NEXN: variants seen among roughly 807,000 people sequenced by gnomAD.
The protein encoded by NEXN is nexilin F-actin binding protein.
Under a neutral mutation model 92.6 loss-of-function variants are expected in NEXN, and 65 were observed. The observed-to-expected ratio is 0.70, with a 90% CI of 0.57 to 0.86. The LOEUF is 0.86. Among genes scored for constraint, NEXN ranks in the 40% least tolerant of loss-of-function variants. NEXN has a pLI of 0.00. For synonymous variants in NEXN, 254 were observed against 242.5 expected (o/e 1.05, Z -0.44); for missense variants, 778 against 771.1 (o/e 1.01, Z -0.11).
Position 77,942,212 on chromosome 1 carries a change from C to G in NEXN, c.1659+4C>G. 1.2e-6 allele frequency: 2 copies of G among 1,612,164 alleles called. No individual in the cohort carries two copies. Among genetic ancestry groups the G allele is most frequent in the East Asian group, 2.2e-5 (1 of 44,844 alleles). Reference sequence around the variant, plus strand: ...AATTGATGCAGCACTACAAAAGGTACCAGGCTTATGTATCCTTTATTTTCC... The same window carrying G: ...AATTGATGCAGCACTACAAAAGGTAGCAGGCTTATGTATCCTTTATTTTCC... On this transcript the variant is annotated splice_donor_region_variant and intron_variant, in intron 12 of 12. Coordinates refer to ENST00000334785, the MANE Select transcript of NEXN (RefSeq NM_144573.4).
intron 1 of NEXN, among the ~76,000 whole-genome samples, chr1:77,896,967 T>C (rs1002406307): frequency 9.9e-5 from 15 of 152,046 alleles, no homozygotes; most frequent in African/African-American, 3.6e-4. Flanking sequence ...CAGGAAGAAG[T>C]TGAATCTCTG....
intron 1 of NEXN, chr1:77,889,453 G>A (rs1437915293): frequency 6.7e-6 from 1 of 148,364 alleles, no homozygotes; most frequent in Non-Finnish European, 1.5e-5. Context: ...TTAAGTGAGT[G>A]AAGAATGTAG....
intron 1 of NEXN, among the ~76,000 whole-genome samples, chr1:77,893,918 C>T (rs1024564577): frequency 6.6e-6 from 1 of 151,960 alleles, no homozygotes; most frequent in African/African-American, 2.4e-5. Context: ...ATCTCCACCC[C>T]CTGGGTTCAA....
intron 10 of NEXN, among the ~76,000 whole-genome samples, chr1:77,934,924 A>G (rs1177063985): frequency 1.3e-5 from 2 of 152,270 alleles, no homozygotes; most frequent in Admixed American, 6.5e-5. Flanking sequence ...TAAGACTACC[A>G]TAAAATCAAA....
chr1:77,940,872 A>T (rs181157653), intron 11 of NEXN, among the ~76,000 whole-genome samples: 1 of 152,328 alleles, frequency 6.6e-6, no homozygotes, highest in Admixed American at 6.5e-5. Context: ...TTATCAACTG[A>T]AGGTAAATAA....
At chr1:77,942,373 A>C in intron 12 of NEXN, 88 bp from the exon 13 acceptor site, 1 of 1,506,122 alleles carries the variant, frequency 6.6e-7, no homozygotes, top group Non-Finnish European at 9.2e-7. Context: ...CTTTACTTAA[A>C]AAAAAAAATT....
intron 11 of NEXN, among the ~76,000 whole-genome samples, chr1:77,937,507 T>C (rs1265635533): frequency 3.3e-5 from 5 of 152,168 alleles, no homozygotes; most frequent in South Asian, 2.1e-4. Flanking sequence ...CTGGCCAACA[T>C]AGTGAAACCC....
Position 77,942,480 on chromosome 1 carries a change from A to G in NEXN, c.1679A>G (p.Glu560Gly). 1 of 1,613,740 alleles carries G rather than the reference A, an allele frequency of 6.2e-7. No individual in the cohort carries two copies. Among genetic ancestry groups the G allele is most frequent in the Non-Finnish European group, 8.5e-7 (1 of 1,179,750 alleles). ...ALQKKREEEE[E>G]EEGSIMNGST... ...ATACAGAAAAGAGAAGAGGAGGAGG[A>G]GGAAGAAGGTAGCATCATGAATGGC... Residue 560 changes from glutamate (E) to glycine (G), a missense_variant, in exon 13 of 13, where the codon GAG becomes GGG. Physicochemically the swap from Glu to Gly is moderately conservative, Grantham distance 98. Coordinates refer to ENST00000334785, the MANE Select transcript of NEXN (RefSeq NM_144573.4).
rs794729094 is a variant in NEXN, at chr1:77,942,823, GAATT to G, written c.2026_*1del. On this transcript the variant is annotated frameshift_variant and stop_lost, in exon 13 of 13. Transcript: ENST00000334785. LOFTEE classifies it high-confidence loss of function. ...CCTGTATTCTTACCATTGAAAGTAAGAATTAATCACTCTTTTTATCTTTTATTCT... is the reference window on the plus strand; with the variant it reads ...CCTGTATTCTTACCATTGAAAGTAAGAATCACTCTTTTTATCTTTTATTCT... 1.6e-5 allele frequency: 26 copies of G among 1,605,490 alleles called. No individual in the cohort carries two copies. The Admixed American group carries it at 2.5e-4, about 15-fold the overall frequency.
intron 1 of NEXN, among the ~76,000 whole-genome samples, chr1:77,896,188 A>ATAAATAAATAAG (rs1373189328): frequency 7.2e-4 from 109 of 151,760 alleles, no homozygotes; most frequent in African/African-American, 2.5e-3. Context: ...AAATAAATAA[A>ATAAATAAATAAG]TAAATAAATA....
At chr1:77,930,497 T>G (rs1650202194) in intron 9 of NEXN, among the ~76,000 whole-genome samples, 1 of 152,208 alleles carries the variant, frequency 6.6e-6, no homozygotes, top group Non-Finnish European at 1.5e-5. Flanking sequence ...GGAGTGATCT[T>G]TAAAAAGAAA....
chr1:77,917,782 G>T, intron 3 of NEXN, 25 bp downstream of exon 3: 3 of 1,566,056 alleles, frequency 1.9e-6, no homozygotes, highest in South Asian at 1.1e-5. Context: ...CTTTATTCTC[G>T]TGAAAATATT....
At chr1:77,905,013 T>TAACA (rs1436138627) in intron 1 of NEXN, among the ~76,000 whole-genome samples, 2 of 151,816 alleles carry the variant, frequency 1.3e-5, no homozygotes, top group Non-Finnish European at 2.9e-5. Flanking sequence ...CCTTTAATCC[T>TAACA]AACACTTTGG....
At chr1:77,908,394 A>ATTT (rs34361411) in intron 1 of NEXN, among the ~76,000 whole-genome samples, 41 of 36,310 alleles carry the variant, frequency 1.1e-3, no homozygotes, top group Non-Finnish European at 1.6e-3. Flanking sequence ...CCCTACCTCT[A>ATTT]TTTTTTTTTT....
chr1:77,933,327 G>A lies in NEXN; in HGVS notation c.1099G>A (p.Glu367Lys), dbSNP rs777987010. The A allele has an allele frequency of 1.9e-6, 3 of 1,609,312 alleles. No individual in the cohort carries two copies. The highest frequency in any genetic ancestry group is 2.2e-5 in the South Asian group (2 of 90,458). The change falls in exon 10 of 13, where the codon GAA (glutamate) becomes AAA (lysine). Residue 367 changes from glutamate to lysine, a missense_variant. By Grantham distance (56) the Glu-to-Lys change is moderately conservative. Around this residue, in one of 3 missense-constraint regions of NEXN, gnomAD observed 532 missense variants for 476.7 expected, o/e 1.12. Transcript: ENST00000334785. ...AGAGATGTATAAGACAATCTCTCAA[G>A]AATTTCTTACACCGGGAAAACTGGA... ...SPEMYKTISQ[E>K]FLTPGKLEIN...
intron 8 of NEXN, among the ~76,000 whole-genome samples, chr1:77,928,164 T>G (rs1650011271): frequency 2.0e-5 from 3 of 151,740 alleles, no homozygotes; most frequent in South Asian, 4.2e-4. Context: ...ATACAAAAAT[T>G]AGCCAGGTGT....
chr1:77,898,656 C>G (rs1301620053), intron 1 of NEXN, among the ~76,000 whole-genome samples: 3 of 152,114 alleles, frequency 2.0e-5, no homozygotes, highest in Non-Finnish European at 4.4e-5. Context: ...CCAAAATTGA[C>G]AAATGGAATC....
rs1403113011 is a variant in NEXN at position 77,926,575 on chromosome 1, A to G, written c.651A>G (p.Pro217=). 12 of 1,613,822 alleles carry G rather than the reference A, an allele frequency of 7.4e-6. No individual in the cohort carries two copies. The highest frequency in any genetic ancestry group is 2.7e-5 in the African/African-American group (2 of 74,924). The change falls in exon 7 of 13, where the codon CCA becomes CCG. Residue 217 remains proline, a synonymous_variant. Coordinates refer to ENST00000334785, the MANE Select transcript of NEXN (RefSeq NM_144573.4). ...DKRIRYEEQR[P]SLKEAKCLSL... ...GAATAAGATATGAAGAACAACGACC[A>G]TCTCTCAAGGAAGCAAAGTGTCTTT...
intron 5 of NEXN, among the ~76,000 whole-genome samples, chr1:77,923,410 C>G (rs1349979217): frequency 6.6e-6 from 1 of 152,014 alleles, no homozygotes; most frequent in Non-Finnish European, 1.5e-5. Context: ...CAACAAAATT[C>G]CCTTACACTG....
Sources: allele counts gnomAD v4.1 joint callset (sites outside exome capture counted in the v4.1 genomes callset), GRCh38; gene constraint gnomAD v4.1.1; regional missense constraint gnomAD v4.1.1; transcripts MANE v1.5; gene names NCBI Gene and HGNC (gene_info 2026-07-23, HGNC 2026-07-21).